The following IFT88 variants were observed in gnomAD, a reference collection of about 807,000 sequenced individuals.
The protein encoded by IFT88 is intraflagellar transport 88.
IFT88 carries 74 observed loss-of-function variants against 119.5 expected under a neutral mutation model. The observed-to-expected ratio is 0.62, with a 90% confidence interval of 0.51 to 0.75. IFT88 has a LOEUF of 0.75. Ranked by LOEUF, IFT88 falls within the 30% of genes least tolerant of loss-of-function variation. IFT88 has a pLI of 0.00. For synonymous variants in IFT88, 279 were observed against 316.7 expected (o/e 0.88, Z 1.26); for missense variants, 961 against 977.7 (o/e 0.98, Z 0.23).
At chr13:20,639,061 G>T (rs544474031) in intron 17 of IFT88, among the ~76,000 whole-genome samples, 2 of 152,286 alleles carry the variant, frequency 1.3e-5, no homozygotes, top group South Asian at 4.2e-4. Flanking sequence ...TTCAGCGGTT[G>T]CCTGAAATGG....
Position 20,571,949 on chromosome 13 carries a change from T to A in IFT88, c.-6-2431T>A, listed in dbSNP as rs376644504. ...GCCTCCCCACCAACACACCCCAGCT[T>A]CTTGACTCTGTTTTAGTTGGGTATG... On this transcript the variant is annotated intron_variant, in intron 1 of 25. Transcript: ENST00000351808. Among the ~76,000 whole-genome samples the A allele has an allele frequency of 6.9e-4, 105 of 152,358 alleles. 2 individuals carry two copies. The South Asian group carries it at 0.021, about 30-fold the overall frequency.
chr13:20,644,328 C>G (rs964913583), intron 19 of IFT88, among the ~76,000 whole-genome samples: 3 of 151,964 alleles, frequency 2.0e-5, no homozygotes, highest in African/African-American at 7.3e-5. Flanking sequence ...GAGGAAACCC[C>G]CTCTCTACTA....
At chr13:20,606,606 C>T (rs989611065) in intron 13 of IFT88, among the ~76,000 whole-genome samples, 10 of 152,148 alleles carry the variant, frequency 6.6e-5, no homozygotes, top group African/African-American at 2.4e-4. Context: ...TTGCTGGGCA[C>T]GGTGGCTCAC....
intron 20 of IFT88, among the ~76,000 whole-genome samples, chr13:20,646,861 T>C (rs578138587): frequency 3.7e-4 from 56 of 151,642 alleles, no homozygotes; most frequent in African/African-American, 1.1e-3. Flanking sequence ...GTTTTTTTTT[T>C]TCTCTCTCTC....
At chr13:20,630,244 A>G (rs2047993757) in intron 15 of IFT88, among the ~76,000 whole-genome samples, 1 of 152,010 alleles carries the variant, frequency 6.6e-6, no homozygotes, top group Non-Finnish European at 1.5e-5. Flanking sequence ...TTTTTTAGCC[A>G]TCTATTTTGC....
At chr13:20,678,399 CAGTA>C (rs1259722111) in intron 24 of IFT88, among the ~76,000 whole-genome samples, 7 of 152,196 alleles carry the variant, frequency 4.6e-5, no homozygotes, top group African/African-American at 1.7e-4. Flanking sequence ...ATATTATTGA[CAGTA>C]AGCCAGTGCT....
intron 14 of IFT88, among the ~76,000 whole-genome samples, chr13:20,616,861 G>C (rs1391101569): frequency 6.6e-6 from 1 of 152,130 alleles, no homozygotes; most frequent in Non-Finnish European, 1.5e-5. Flanking sequence ...TTGGCAATAG[G>C]AATTTTTTAG....
intron 3 of IFT88, among the ~76,000 whole-genome samples, chr13:20,584,027 T>C (rs2039192154): frequency 6.6e-6 from 1 of 152,196 alleles, no homozygotes; most frequent in Non-Finnish European, 1.5e-5. Context: ...TTTTGATTAG[T>C]GTAGCTTTAT....
At chr13:20,637,272 A>AT (rs1425885973) in intron 16 of IFT88, among the ~76,000 whole-genome samples, 6 of 152,232 alleles carry the variant, frequency 3.9e-5, no homozygotes, top group African/African-American at 1.2e-4. Flanking sequence ...GGTCAGGTTT[A>AT]TTATATATAA....
At chr13:20,676,419 A>G (rs1001335684) in intron 24 of IFT88, among the ~76,000 whole-genome samples, 1 of 152,226 alleles carries the variant, frequency 6.6e-6, no homozygotes, top group Admixed American at 6.5e-5. Flanking sequence ...AAGGGTGAGC[A>G]TGGCTACTGT....
intron 16 of IFT88, among the ~76,000 whole-genome samples, chr13:20,637,057 T>C (rs778862605): frequency 3.0e-4 from 46 of 152,324 alleles, no homozygotes; most frequent in East Asian, 1.2e-3. Context: ...AGACTGCATA[T>C]TTTATGATTC....
chr13:20,691,170 G>T lies in IFT88; in HGVS notation c.2470G>T (p.Glu824Ter). Reference sequence around the variant, plus strand: ...AGAATTAGGAGATGATTTGCTTCCAGAATAATATTCACTTTAATATTTATT... The same window carrying T: ...AGAATTAGGAGATGATTTGCTTCCATAATAATATTCACTTTAATATTTATT... ...DEELGDDLLP[E>*] is the part of the protein sequence containing the mutation. The change falls in exon 26 of 26, where the codon GAA becomes TAA. Residue 824 changes from glutamate to a stop codon, truncating the protein, a stop_gained. Coordinates refer to ENST00000351808, the MANE Select transcript of IFT88 (RefSeq NM_006531.5). LOFTEE classifies it high-confidence loss of function. 6.2e-7 allele frequency: 1 copy of T among 1,612,414 alleles called. No homozygotes were observed. The highest frequency in any genetic ancestry group is 8.5e-7 in the Non-Finnish European group (1 of 1,178,970).
chr13:20,585,739 G>C (rs1225436065), intron 3 of IFT88, among the ~76,000 whole-genome samples: 1 of 152,158 alleles, frequency 6.6e-6, no homozygotes, highest in Non-Finnish European at 1.5e-5. Flanking sequence ...CATTTCCTAG[G>C]AGCCAACAAC....
intron 1 of IFT88, among the ~76,000 whole-genome samples, chr13:20,569,299 C>T (rs1002239173): frequency 2.0e-5 from 3 of 151,996 alleles, no homozygotes; most frequent in African/African-American, 4.8e-5. Flanking sequence ...TTTGGCCAGG[C>T]GTGGTGGCTC....
intron 15 of IFT88, among the ~76,000 whole-genome samples, chr13:20,628,158 A>G (rs1456103434): frequency 6.6e-6 from 1 of 152,152 alleles, no homozygotes; most frequent in African/African-American, 2.4e-5. Context: ...AGAAAAATTT[A>G]TGCCTTCTGT....
chr13:20,666,232 G>A (rs2054654532), intron 23 of IFT88, among the ~76,000 whole-genome samples: 1 of 152,202 alleles, frequency 6.6e-6, no homozygotes, highest in Non-Finnish European at 1.5e-5. Flanking sequence ...AATGAGGATA[G>A]CGTTCTAGCT....
intron 12 of IFT88, among the ~76,000 whole-genome samples, chr13:20,604,389 T>A (rs952203257): frequency 3.3e-5 from 5 of 152,210 alleles, no homozygotes; most frequent in African/African-American, 1.2e-4. Flanking sequence ...GAGATATGGA[T>A]CATACTAAGT....
chr13:20,669,004 G>T (rs1398969336), intron 23 of IFT88, among the ~76,000 whole-genome samples: 1 of 152,162 alleles, frequency 6.6e-6, no homozygotes, highest in African/African-American at 2.4e-5. Context: ...TGTACTGATG[G>T]AGCTGTTTCC....
At chr13:20,570,404 A>C (rs557701541) in intron 1 of IFT88, among the ~76,000 whole-genome samples, 2 of 152,234 alleles carry the variant, frequency 1.3e-5, no homozygotes, top group African/African-American at 4.8e-5. Context: ...CTATATATGC[A>C]TGCTAAAACT....
Sources: allele counts gnomAD v4.1 joint callset (sites outside exome capture counted in the v4.1 genomes callset), GRCh38; gene constraint gnomAD v4.1.1; transcripts MANE v1.5; gene names NCBI Gene and HGNC (gene_info 2026-07-23, HGNC 2026-07-21).